MVD: variants seen among roughly 807,000 people sequenced by gnomAD.
MVD encodes mevalonate diphosphate decarboxylase.
A neutral mutation model predicts 42.4 loss-of-function variants in MVD; 52 were observed. That is an observed-to-expected ratio of 1.23 (90% CI 0.98 to 1.55). MVD has a LOEUF of 1.55. Among genes scored for constraint, MVD ranks in the 40% most tolerant of loss-of-function variants. The pLI is 0.00. For synonymous variants in MVD, 287 were observed against 243.2 expected (o/e 1.18, Z -1.68); for missense variants, 663 against 572.1 (o/e 1.16, Z -1.62).
At position 88,656,613 on chromosome 16, in the gene MVD, C is replaced by T. The variant is rs996512786; in HGVS notation, c.404-309G>A. Reference sequence around the variant, plus strand: ...AAGGCGGGAGAAAGGCCCCCGAGGACACCCAAGCTGGGCTTTGAGGGTGGG... The same window carrying T: ...AAGGCGGGAGAAAGGCCCCCGAGGATACCCAAGCTGGGCTTTGAGGGTGGG... On this transcript the variant is annotated intron_variant, in intron 4 of 9. Coordinates refer to ENST00000301012, the MANE Select transcript of MVD (RefSeq NM_002461.3). The T allele has an allele frequency of 1.2e-5, 6 of 492,596 alleles. No homozygotes were observed. In the East Asian group the frequency reaches 1.8e-4, roughly 15 times the overall value. 30.5% of individuals were successfully genotyped at this position (492,596 alleles called of 1,614,324 possible).
rs1057079321 is a variant in MVD, at chr16:88,657,311, GAGGCCTGGGGTGAGGGGAT to G, written c.403+106_403+124del. 2.7e-5 allele frequency: 35 copies of G among 1,307,160 alleles called. No individual in the cohort carries two copies. The African/African-American group carries it at 3.9e-4, about 15-fold the overall frequency. The allele number at this position is 1,307,160 out of a possible 1,614,324, so 81.0% of individuals were successfully genotyped here. On this transcript the variant is annotated intron_variant, in intron 4 of 9. Transcript: ENST00000301012. ...ACTGAACAACTCCAGAGAGGCCAGG[GAGGCCTGGGGTGAGGGGAT>G]GCTCTTTTAGCCACGCCCAGCAGTG...
At position 88,654,732 on chromosome 16, in the gene MVD, C is replaced by A. The variant is rs1220283512; in HGVS notation, c.973G>T (p.Ala325Ser). The change falls in exon 8 of 10, where the codon GCT (alanine) becomes TCT (serine). Residue 325 changes from alanine to serine, a missense_variant. Ala to Ser is a moderately conservative substitution (Grantham distance 99). Transcript: ENST00000301012. ...CCTGGGGGAAAGCCGTGCCACACAG[C>A]AGCCACAAACTCAGCCACAGTGTCG... ...LDDTVAEFVAAVWHGFPPGSN... is the reference protein window; with the variant it reads ...LDDTVAEFVASVWHGFPPGSN... 6.2e-7 allele frequency: 1 copy of A among 1,603,578 alleles called. No homozygotes were observed. Among genetic ancestry groups the A allele is most frequent in the Non-Finnish European group, 8.5e-7 (1 of 1,176,700 alleles).
intron 5 of MVD, 46 bp from the exon 6 acceptor site, chr16:88,655,776 G>C (rs1907881581): frequency 6.5e-7 from 1 of 1,541,382 alleles, no homozygotes; most frequent in African/African-American, 1.4e-5. Flanking sequence ...CAGGGGGCCA[G>C]CCCCAAGGAC....
At chr16:88,653,495 A>G (rs1362295114) in intron 8 of MVD, 87 bp from the exon 9 acceptor site, 2 of 1,149,412 alleles carry the variant, frequency 1.7e-6, no homozygotes, top group Non-Finnish European at 2.4e-6. Flanking sequence ...CAGAGATGGG[A>G]AGTGCATTCC....
intron 1 of MVD, 101 bp downstream of exon 1, chr16:88,662,910 G>A: frequency 1.3e-6 from 2 of 1,526,536 alleles, no homozygotes; most frequent in African/African-American, 1.4e-5. Context: ...TCGAGGCCCT[G>A]GGAGGGCAGG....
chr16:88,658,848 C>CTGTGTGGTG lies in MVD; in HGVS notation c.71-129_71-128insCACCACACA, dbSNP rs1908112955. 1.2e-5 allele frequency: 9 copies of CTGTGTGGTG among 729,752 alleles called. No individual in the cohort carries two copies. The East Asian group carries it at 2.2e-4, about 18-fold the overall frequency. 45.2% of individuals were successfully genotyped at this position (729,752 alleles called of 1,614,324 possible). A position where few individuals can be genotyped will look rare whatever the true frequency, so the allele number is the denominator to read the frequency against. ...TCAGTCCCGTCTCTCACCGCACAAC[C>CTGTGTGGTG]TGTGTGCCCCTCCTCCTGCCAGACC... is the stretch of plus-strand genomic sequence containing the variant. On this transcript the variant is annotated intron_variant, in intron 1 of 9. Coordinates refer to ENST00000301012, the MANE Select transcript of MVD (RefSeq NM_002461.3).
intron 5 of MVD, 105 bp from the exon 6 acceptor site, chr16:88,655,835 G>A (rs980280096): frequency 3.5e-5 from 47 of 1,340,422 alleles, no homozygotes; most frequent in Non-Finnish European, 4.6e-5. Flanking sequence ...GGCAGCGGGG[G>A]TGGGAGTCAG....
At chr16:88,659,051 A>C in intron 1 of MVD, 44 of 334,720 alleles carry the variant, frequency 1.3e-4, no homozygotes, top group East Asian at 2.1e-4. Flanking sequence ...TCCCAAACAA[A>C]AGGAGCCCAG....
chr16:88,655,185 C>G lies in MVD; in HGVS notation c.897+14G>C, dbSNP rs1907826418. On this transcript the variant is annotated intron_variant, in intron 7 of 9. Transcript: ENST00000301012. ...CAGCGCGAGCGCAGCCTCTGCCCTC[C>G]CGGCCCGCGTCACCTTGGTGTCCCC... 1.3e-6 allele frequency: 2 copies of G among 1,552,104 alleles called. No homozygotes were observed. The highest frequency in any genetic ancestry group is 2.4e-5 in the South Asian group (2 of 84,194).
At chr16:88,660,687 T>A (rs1908235063) in intron 1 of MVD, 2 of 148,466 alleles carry the variant, frequency 1.3e-5, no homozygotes, top group African/African-American at 2.5e-5. Flanking sequence ...TATAAAAATA[T>A]AAATATAAAA....
At chr16:88,658,080 C>G in intron 2 of MVD, 51 bp from the exon 3 acceptor site, 1 of 1,557,228 alleles carries the variant, frequency 6.4e-7, no homozygotes. Context: ...AGGACCGATG[C>G]CAGCCAGGTA....
chr16:88,658,030 C>G lies in MVD; in HGVS notation c.142-1G>C. On this transcript the variant is annotated splice_acceptor_variant, in intron 2 of 9. Transcript: ENST00000301012. LOFTEE classifies it high-confidence loss of function. ...TGACGGCTGTTGTGGTGGTTTTTAA[C>G]TGAAAAGGAAACCCAGGGCCACCTC... The G allele has an allele frequency of 6.2e-7, 1 of 1,613,920 alleles. No individual in the cohort carries two copies. Among genetic ancestry groups the G allele is most frequent in the Non-Finnish European group, 8.5e-7 (1 of 1,179,974 alleles).
Position 88,657,909 on chromosome 16 carries a change from G to T in MVD, c.256+6C>A. ...GAGGGATGGGCTTATGGGGACCCCA[G>T]CTCACTCTCCCGCAGGCAGGCCTGC... On this transcript the variant is annotated splice_donor_region_variant and intron_variant, in intron 3 of 9. Transcript: ENST00000301012. 4 of 1,612,566 alleles carry T rather than the reference G, an allele frequency of 2.5e-6. No individual in the cohort carries two copies. The highest frequency in any genetic ancestry group is 3.4e-6 in the Non-Finnish European group (4 of 1,179,438).
chr16:88,659,534 G>A (rs1432510387), intron 1 of MVD, among the ~76,000 whole-genome samples: 1 of 152,214 alleles, frequency 6.6e-6, no homozygotes, highest in Admixed American at 6.5e-5. Context: ...GGGTGACAGA[G>A]GGCGGCTGTG....
Position 88,652,415 on chromosome 16 carries a change from T to C in MVD, c.*110A>G. Reference sequence around the variant, plus strand: ...CAGCAAGCTGCCCATGGGCCCGGGGTCAAGCCACCACCCACATGTCCCAGG... The same window carrying C: ...CAGCAAGCTGCCCATGGGCCCGGGGCCAAGCCACCACCCACATGTCCCAGG... On this transcript the variant is annotated 3_prime_UTR_variant, in exon 10 of 10. Coordinates refer to ENST00000301012, the MANE Select transcript of MVD (RefSeq NM_002461.3). The C allele has an allele frequency of 7.9e-7, 1 of 1,261,938 alleles. No individual in the cohort carries two copies. The highest frequency in any genetic ancestry group is 1.1e-6 in the Non-Finnish European group (1 of 890,664). 78.2% of individuals were successfully genotyped at this position (1,261,938 alleles called of 1,614,324 possible).
chr16:88,657,452 C>A lies in MVD; in HGVS notation c.387G>T (p.Ala129=), dbSNP rs143834158. The A allele has an allele frequency of 6.2e-7, 1 of 1,608,562 alleles. No individual in the cohort carries two copies. Among genetic ancestry groups the A allele is most frequent in the African/African-American group, 1.3e-5 (1 of 74,990 alleles). Residue 129 remains alanine (A), a synonymous_variant, in exon 4 of 10, where the codon GCG becomes GCT. Coordinates refer to ENST00000301012, the MANE Select transcript of MVD (RefSeq NM_002461.3). ...PTAAGLASSA[A]GYACLAYTLA... ...GGCACCCACCTAGGCAGGCATAGCC[C>A]GCCGCTGAGGAGGCCAGGCCCGCAG...
chr16:88,655,829 G>A (rs1907886958), intron 5 of MVD, 99 bp from the exon 6 acceptor site: 2 of 1,406,662 alleles, frequency 1.4e-6, no homozygotes, highest in Admixed American at 4.1e-5. Flanking sequence ...AATGCAGGCA[G>A]CGGGGGTGGG....
At chr16:88,653,244 G>A (rs899645184) in intron 9 of MVD, 56 bp downstream of exon 9, 17 of 1,423,354 alleles carry the variant, frequency 1.2e-5, no homozygotes, top group African/African-American at 8.7e-5. Flanking sequence ...GGGGCTGGGC[G>A]GGCCCCCCTG....
rs751262639 is a variant in MVD at position 88,658,642 on chromosome 16, A to G, written c.141+8T>C. Reference sequence around the variant, plus strand: ...CACTGTGGTGTTTAGTCGTCAGTCCACACATACCTGGTCCTGGTGCAGAGT... The same window carrying G: ...CACTGTGGTGTTTAGTCGTCAGTCCGCACATACCTGGTCCTGGTGCAGAGT... On this transcript the variant is annotated splice_region_variant and intron_variant, in intron 2 of 9. Coordinates refer to ENST00000301012, the MANE Select transcript of MVD (RefSeq NM_002461.3). The G allele has an allele frequency of 6.2e-7, 1 of 1,613,320 alleles. No individual in the cohort carries two copies. Among genetic ancestry groups the G allele is most frequent in the Non-Finnish European group, 8.5e-7 (1 of 1,179,552 alleles).
Sources: gnomAD v4.1 joint callset for allele counts (sites outside exome capture counted in the v4.1 genomes callset) on GRCh38, gnomAD v4.1.1 for gene constraint, MANE v1.5 for transcripts, NCBI Gene and HGNC (gene_info 2026-07-23, HGNC 2026-07-21) for gene names.